Variants in CPEB1 observed in about 807,000 individuals in gnomAD.
The protein encoded by CPEB1 is cytoplasmic polyadenylation element binding protein 1, also known as cytoplasmic polyadenylation element-binding protein 1.
CPEB1 carries 7 observed loss-of-function variants against 65.8 expected under a neutral mutation model. The observed-to-expected ratio is 0.11, with a 90% CI of 0.06 to 0.20. The LOEUF is 0.20. Ranked by LOEUF, CPEB1 falls within the 10% of genes least tolerant of loss-of-function variation. CPEB1 has a pLI of 1.00. For synonymous variants in CPEB1, 262 were observed against 260.0 expected (o/e 1.01, Z -0.08); for missense variants, 551 against 712.2 (o/e 0.77, Z 2.58).
chr15:82,607,287 G>T (rs1267886280), intron 3 of CPEB1, among the ~76,000 whole-genome samples: 1 of 152,062 alleles, frequency 6.6e-6, no homozygotes, highest in Non-Finnish European at 1.5e-5. Context: ...TACACTTTAA[G>T]ACTCAAAGAC....
At chr15:82,586,753 A>T (rs2041836956) in intron 3 of CPEB1, among the ~76,000 whole-genome samples, 1 of 152,186 alleles carries the variant, frequency 6.6e-6, no homozygotes, top group South Asian at 2.1e-4. Context: ...TACAGTGCAC[A>T]TACACTCCCC....
rs1389763036 is a variant in CPEB1, at chr15:82,543,820, A to G, written c.*772T>C. On this transcript the variant is annotated 3_prime_UTR_variant, in exon 13 of 13. Transcript: ENST00000684509. ...CCGGTCCAGTTTCAAATAAAACAAA[A>G]AATTTTTTTTTTCTTGGTTGCAAAT... 7 of 152,230 alleles carry G rather than the reference A, an allele frequency of 4.6e-5. No homozygotes were observed. The highest frequency in any genetic ancestry group is 1.7e-4 in the African/African-American group (7 of 41,414). 9.4% of individuals were successfully genotyped at this position (152,230 alleles called of 1,614,324 possible).
chr15:82,611,297 C>T (rs1005973991), intron 3 of CPEB1, among the ~76,000 whole-genome samples: 6 of 151,974 alleles, frequency 3.9e-5, no homozygotes, highest in Admixed American at 6.6e-5. Flanking sequence ...TAGCAATGAA[C>T]AATCTGAAAA....
intron 6 of CPEB1, among the ~76,000 whole-genome samples, chr15:82,554,852 C>T (rs1327717924): frequency 2.6e-5 from 4 of 152,176 alleles, no homozygotes; most frequent in East Asian, 1.9e-4. Context: ...CAATCTTTTA[C>T]GACAAAAACA....
intron 3 of CPEB1, among the ~76,000 whole-genome samples, chr15:82,610,206 G>A (rs542291653): frequency 6.6e-6 from 1 of 152,234 alleles, no homozygotes; most frequent in East Asian, 1.9e-4. Flanking sequence ...CAAAAAGCCT[G>A]TATTAGTCAT....
At chr15:82,576,439 T>G (rs1201530440) in intron 3 of CPEB1, among the ~76,000 whole-genome samples, 2 of 152,192 alleles carry the variant, frequency 1.3e-5, no homozygotes, top group African/African-American at 4.8e-5. Context: ...CATATAAATT[T>G]TACCTCAAAA....
At chr15:82,549,726 A>G in intron 9 of CPEB1, 68 bp from the exon 10 acceptor site, 3 of 1,453,610 alleles carry the variant, frequency 2.1e-6, no homozygotes, top group Non-Finnish European at 2.9e-6. Flanking sequence ...TTGCACGGCA[A>G]GGTACGTGCT....
rs776571408 is a variant in CPEB1, at chr15:82,547,224, C to G, written c.1494G>C (p.Val498=). 2 of 1,609,330 alleles carry G rather than the reference C, an allele frequency of 1.2e-6. No homozygotes were observed. Among genetic ancestry groups the G allele is most frequent in the Admixed American group, 1.7e-5 (1 of 59,908 alleles). Residue 498 remains valine (V), a synonymous_variant, in exon 11 of 13, where the codon GTG becomes GTC. Coordinates refer to ENST00000684509, the MANE Select transcript of CPEB1 (RefSeq NM_001365242.1). ...GGTAACTCCGTTGGTTATTGAAAGT[C>G]ACACGACCAGAACCTAGGACAACAG... ...KHKYPIGSGR[V]TFNNQRSYLK...
intron 3 of CPEB1, among the ~76,000 whole-genome samples, chr15:82,614,846 TAA>T (rs879627747): frequency 0.021 from 2,818 of 134,538 alleles, 31 homozygotes; most frequent in Non-Finnish European, 0.027. Context: ...CTTTAAAATA[TAA>T]GTGTGTGTGT....
chr15:82,629,891 A>G (rs2046094076), intron 1 of CPEB1: 2 of 985,272 alleles, frequency 2.0e-6, no homozygotes, highest in Non-Finnish European at 2.4e-6. Flanking sequence ...CTTGAGCCTC[A>G]CGTCAGCCTC....
intron 1 of CPEB1, among the ~76,000 whole-genome samples, chr15:82,645,188 C>T (rs1024631817): frequency 2.6e-5 from 4 of 152,196 alleles, no homozygotes; most frequent in African/African-American, 9.7e-5. Flanking sequence ...AAGTCTCGCT[C>T]TGTCGTTCAG....
intron 7 of CPEB1, 108 bp downstream of exon 7, chr15:82,553,770 C>A: frequency 3.6e-6 from 3 of 843,718 alleles, no homozygotes; most frequent in Non-Finnish European, 6.0e-6. Flanking sequence ...ATGTAATACC[C>A]TGAGCTCAGG....
chr15:82,590,209 C>CAAAAAAAAAA (rs5814120), intron 3 of CPEB1, among the ~76,000 whole-genome samples: 1 of 104,156 alleles, frequency 9.6e-6, no homozygotes, highest in Non-Finnish European at 2.0e-5. Context: ...ATCCCTTTGA[C>CAAAAAAAAAA]AAAAAAAAAA....
At chr15:82,571,863 G>A (rs1317527975) in intron 3 of CPEB1, 8 of 1,081,530 alleles carry the variant, frequency 7.4e-6, no homozygotes, top group African/African-American at 1.7e-5. Flanking sequence ...CTCACAGAAC[G>A]GGGGAGGAGC....
At chr15:82,625,003 T>C (rs893384089) in intron 3 of CPEB1, among the ~76,000 whole-genome samples, 11 of 152,090 alleles carry the variant, frequency 7.2e-5, no homozygotes, top group African/African-American at 2.7e-4. Flanking sequence ...CTGGCTAATT[T>C]TTCTATTTTT....
intron 4 of CPEB1, among the ~76,000 whole-genome samples, chr15:82,570,563 A>T (rs987510892): frequency 6.6e-6 from 1 of 152,122 alleles, no homozygotes. Flanking sequence ...GTACCACAAG[A>T]GGGAAATAAA....
intron 3 of CPEB1, among the ~76,000 whole-genome samples, chr15:82,623,159 C>T (rs902982155): frequency 6.6e-6 from 1 of 152,186 alleles, no homozygotes; most frequent in African/African-American, 2.4e-5. Flanking sequence ...AATTTTAATT[C>T]TCTTCAAAGC....
intron 4 of CPEB1, among the ~76,000 whole-genome samples, chr15:82,560,289 C>A (rs1179445374): frequency 6.6e-6 from 1 of 152,118 alleles, no homozygotes; most frequent in Non-Finnish European, 1.5e-5. Flanking sequence ...AGGGCCTCAT[C>A]CTTTTCCACA....
At chr15:82,616,670 G>A (rs1356874849) in intron 3 of CPEB1, among the ~76,000 whole-genome samples, 2 of 151,668 alleles carry the variant, frequency 1.3e-5, no homozygotes, top group African/African-American at 4.8e-5. Flanking sequence ...AGCCTCCCAA[G>A]TAGCTGGGAT....
Sources: allele counts gnomAD v4.1 joint callset (sites outside exome capture counted in the v4.1 genomes callset), GRCh38; gene constraint gnomAD v4.1.1; transcripts MANE v1.5; gene names NCBI Gene and HGNC (gene_info 2026-07-23, HGNC 2026-07-21).